CYP39A1: variants seen among roughly 807,000 people sequenced by gnomAD.
CYP39A1 encodes cytochrome P450 family 39 subfamily A member 1.
A neutral mutation model predicts 58.1 loss-of-function variants in CYP39A1; 49 were observed. The observed-to-expected ratio is 0.84, with a 90% CI of 0.67 to 1.07. The LOEUF (loss-of-function observed/expected upper bound fraction) is 1.07, where lower values mean the gene tolerates loss of function less well. CYP39A1 is among the 50% of genes least tolerant of loss of function. CYP39A1 has a pLI of 0.00. For synonymous variants in CYP39A1, 209 were observed against 187.6 expected (o/e 1.11, Z -0.93); for missense variants, 531 against 539.4 (o/e 0.98, Z 0.16).
chr6:46,621,600 A>G (rs1774961553), intron 7 of CYP39A1, among the ~76,000 whole-genome samples: 1 of 152,176 alleles, frequency 6.6e-6, no homozygotes, highest in Non-Finnish European at 1.5e-5. Context: ...GACATAAAGT[A>G]TAAAACTGAC....
Position 46,599,556 on chromosome 6 carries a change from C to T in CYP39A1, c.932-3436G>A, listed in dbSNP as rs144227064. On this transcript the variant is annotated intron_variant, in intron 7 of 11. Coordinates refer to ENST00000275016, the MANE Select transcript of CYP39A1 (RefSeq NM_016593.5). Reference sequence around the variant, plus strand: ...GGTGTTCCACTGAGGTTCCAGTCTGCTCATACCAGATGAATCCAGAGATGA... The same window carrying T: ...GGTGTTCCACTGAGGTTCCAGTCTGTTCATACCAGATGAATCCAGAGATGA... Among the ~76,000 whole-genome samples, 351 of 152,164 alleles carry T rather than the reference C, an allele frequency of 2.3e-3. 1 individual carries two copies. The highest frequency in any genetic ancestry group is 7.9e-3 in the African/African-American group (330 of 41,518).
chr6:46,625,504 G>A lies in CYP39A1; in HGVS notation c.845C>T (p.Ala282Val), dbSNP rs753951858. 23 of 1,605,078 alleles carry A rather than the reference G, an allele frequency of 1.4e-5. 1 individual carries two copies. In the South Asian group the frequency reaches 2.6e-4, roughly 18 times the overall value. ...WASLSNAVPV[A>V]FWTLAYVLSH... The stretch of plus-strand genomic sequence containing the variant: ...AAGGACGTATGCAAGTGTCCAAAAT[G>A]CAACCTTAAAAAGAAAAACATATAT... Residue 282 changes from alanine (A) to valine (V), a missense_variant, in exon 7 of 12, where the codon GCA becomes GTA. By Grantham distance (64) the Ala-to-Val change is moderately conservative. Transcript: ENST00000275016.
chr6:46,643,154 G>GA (rs1173802297), intron 1 of CYP39A1, among the ~76,000 whole-genome samples: 23 of 151,462 alleles, frequency 1.5e-4, no homozygotes, highest in African/African-American at 4.4e-4. Flanking sequence ...ACCTTGTTGG[G>GA]AAAAAAAAGT....
intron 6 of CYP39A1, among the ~76,000 whole-genome samples, chr6:46,628,670 C>T (rs1582435491): frequency 6.6e-6 from 1 of 152,114 alleles, no homozygotes; most frequent in East Asian, 1.9e-4. Flanking sequence ...TATAGATATA[C>T]TCTGGGCTCC....
chr6:46,652,689 C>A lies in CYP39A1; in HGVS notation c.-107G>T. 1 of 1,063,156 alleles carries A rather than the reference C, an allele frequency of 9.4e-7. No homozygotes were observed. The highest frequency in any genetic ancestry group is 1.3e-6 in the Non-Finnish European group (1 of 757,902). 65.9% of individuals were successfully genotyped at this position (1,063,156 alleles called of 1,614,324 possible). On this transcript the variant is annotated 5_prime_UTR_variant, in exon 1 of 12. Coordinates refer to ENST00000275016, the MANE Select transcript of CYP39A1 (RefSeq NM_016593.5). ...CCTGTCGGGACTCCCAACCTTTCTG[C>A]TGCAACTTTTGCAGCTCTCCTTCGT...
intron 7 of CYP39A1, among the ~76,000 whole-genome samples, chr6:46,617,454 G>A (rs73738803): frequency 0.084 from 12,761 of 152,040 alleles, 924 homozygotes; most frequent in Admixed American, 0.18. Flanking sequence ...AGGCTCAGGG[G>A]TATGAATGTT....
chr6:46,587,933 G>A (rs1772569101), intron 9 of CYP39A1, 101 bp downstream of exon 9: 2 of 616,266 alleles, frequency 3.2e-6, no homozygotes, highest in Non-Finnish European at 5.3e-6. Context: ...GAGAAATATG[G>A]CTGCTTAATT....
intron 8 of CYP39A1, among the ~76,000 whole-genome samples, chr6:46,595,508 T>C (rs1047131895): frequency 5.9e-5 from 9 of 151,938 alleles, no homozygotes; most frequent in African/African-American, 1.4e-4. Context: ...CATATAAGTG[T>C]ATTTTCACTT....
chr6:46,626,185 C>A (rs1775299754), intron 6 of CYP39A1, among the ~76,000 whole-genome samples: 1 of 152,062 alleles, frequency 6.6e-6, no homozygotes, highest in African/African-American at 2.4e-5. Flanking sequence ...TATTTCATAT[C>A]TTTCCTCGTT....
chr6:46,597,705 T>C (rs1249677390), intron 7 of CYP39A1, among the ~76,000 whole-genome samples: 1 of 152,102 alleles, frequency 6.6e-6, no homozygotes. Context: ...ACATATGTGA[T>C]GGAACAGTGA....
chr6:46,650,382 G>A (rs2150616479), intron 1 of CYP39A1, among the ~76,000 whole-genome samples: 1 of 40,820 alleles, frequency 2.4e-5, no homozygotes. Flanking sequence ...GAGCACTCTG[G>A]CTTTTTTTTT....
intron 1 of CYP39A1, among the ~76,000 whole-genome samples, chr6:46,644,011 G>C (rs1776497860): frequency 6.6e-6 from 1 of 152,148 alleles, no homozygotes; most frequent in Non-Finnish European, 1.5e-5. Flanking sequence ...TTAACATCTT[G>C]CAAAACTATA....
At chr6:46,589,452 C>T (rs180812376) in intron 8 of CYP39A1, among the ~76,000 whole-genome samples, 7 of 151,688 alleles carry the variant, frequency 4.6e-5, no homozygotes, top group East Asian at 1.9e-4. Context: ...CATTCTGTCT[C>T]GAAGAAAAAT....
At position 46,641,347 on chromosome 6, in the gene CYP39A1, A is replaced by T. The variant is rs114678722; in HGVS notation, c.313+816T>A. Among the ~76,000 whole-genome samples the T allele has an allele frequency of 5.5e-3, 845 of 152,308 alleles. 11 individuals carry two copies. Among genetic ancestry groups the T allele is most frequent in the African/African-American group, 0.019 (770 of 41,578 alleles). The stretch of plus-strand genomic sequence containing the variant: ...ACAGGTTGTGATGATCATGCATACA[A>T]GAAGAAAAAATATATATAATTCTAT... On this transcript the variant is annotated intron_variant, in intron 2 of 11. Coordinates refer to ENST00000275016, the MANE Select transcript of CYP39A1 (RefSeq NM_016593.5).
intron 10 of CYP39A1, among the ~76,000 whole-genome samples, chr6:46,558,961 G>A (rs945933941): frequency 1.9e-4 from 27 of 141,588 alleles, no homozygotes; most frequent in Admixed American, 1.3e-3. Context: ...GCGCCACTGC[G>A]CTCCAACCTG....
chr6:46,592,646 T>A (rs1266203336), intron 8 of CYP39A1, among the ~76,000 whole-genome samples: 1 of 152,114 alleles, frequency 6.6e-6, no homozygotes, highest in Non-Finnish European at 1.5e-5. Flanking sequence ...ATTGTGTAGA[T>A]GTGTTTTATT....
intron 10 of CYP39A1, among the ~76,000 whole-genome samples, chr6:46,558,770 G>A (rs761703766): frequency 1.3e-5 from 2 of 152,130 alleles, no homozygotes; most frequent in Non-Finnish European, 2.9e-5. Context: ...GGCCGAGGTG[G>A]GTGGATTACT....
At chr6:46,574,834 C>T (rs1035525406) in intron 10 of CYP39A1, among the ~76,000 whole-genome samples, 1 of 151,740 alleles carries the variant, frequency 6.6e-6, no homozygotes, top group Non-Finnish European at 1.5e-5. Flanking sequence ...TCAAAAATCA[C>T]TGTTAATTTT....
rs1773140930 is a variant in CYP39A1 at position 46,596,120 on chromosome 6, C to T, written c.932G>A (p.Gly311Asp). ...EGISSVFGKA[G>D]KDKIKVSEDD... The stretch of plus-strand genomic sequence containing the variant: ...CTCAGACACTTTAATCTTATCTTTG[C>T]CTGTAAAAAAATTTTTAATGAGAAA... Residue 311 changes from glycine (G) to aspartate (D), a missense_variant and splice_region_variant, in exon 8 of 12, where the codon GGC becomes GAC. By Grantham distance (94) the Gly-to-Asp change is moderately conservative. Transcript: ENST00000275016. The T allele has an allele frequency of 1.3e-6, 2 of 1,593,194 alleles. No individual in the cohort carries two copies. The highest frequency in any genetic ancestry group is 1.7e-6 in the Non-Finnish European group (2 of 1,172,106).
Sources: gnomAD v4.1 joint callset for allele counts (sites outside exome capture counted in the v4.1 genomes callset) on GRCh38, gnomAD v4.1.1 for gene constraint, MANE v1.5 for transcripts, NCBI Gene and HGNC (gene_info 2026-07-23, HGNC 2026-07-21) for gene names.